Variants in UGT1A7 observed in about 807,000 individuals in gnomAD.
UGT1A7 encodes UDP glucuronosyltransferase family 1 member A7.
A neutral mutation model predicts 45.6 loss-of-function variants in UGT1A7; 33 were observed. The ratio of observed to expected loss-of-function variants is 0.72; its 90% CI spans 0.55 to 0.97. The LOEUF (loss-of-function observed/expected upper bound fraction) is 0.97, where lower values mean the gene tolerates loss of function less well. Among genes scored for constraint, UGT1A7 ranks in the 50% least tolerant of loss-of-function variants. The probability of loss-of-function intolerance (pLI) is 0.00; values close to 1 mark genes in which losing one functional copy is unlikely to be tolerated. For missense variants in UGT1A7, 684 were observed against 666.2 expected (o/e 1.03, Z -0.29); for synonymous variants, 274 against 250.6 (o/e 1.09, Z -0.88).
chr2:233,754,059 A>G (rs973727066), intron 1 of UGT1A7, among the ~76,000 whole-genome samples: 4 of 152,238 alleles, frequency 2.6e-5, no homozygotes, highest in Admixed American at 1.3e-4. Context: ...ACCTGCTTTT[A>G]TAAAGCCTGG....
At chr2:233,725,976 G>T (rs553044783) in intron 1 of UGT1A7, among the ~76,000 whole-genome samples, 1 of 152,162 alleles carries the variant, frequency 6.6e-6, no homozygotes, top group Non-Finnish European at 1.5e-5. Flanking sequence ...GAGCAGCCTG[G>T]GAAACGTGCT....
rs190427553 is a variant in UGT1A7 at position 233,772,475 on chromosome 2, C to A, written c.1509C>A (p.Thr503=). 148 of 1,614,134 alleles carry A rather than the reference C, an allele frequency of 9.2e-5. No homozygotes were observed. Among genetic ancestry groups the A allele is most frequent in the Non-Finnish European group, 1.2e-4 (140 of 1,180,034 alleles). ...LAVVLTVAFI[T]FKCCAYGYRK... is the part of the protein sequence containing the mutation. ...TCGTGCTGACAGTGGCCTTCATCAC[C>A]TTTAAATGTTGTGCTTATGGCTACC... The change falls in exon 5 of 5, where the codon ACC becomes ACA. Residue 503 remains threonine, a synonymous_variant. Coordinates refer to ENST00000373426, the MANE Select transcript of UGT1A7 (RefSeq NM_019077.3).
chr2:233,682,697 C>G lies in UGT1A7; in HGVS notation c.760C>G (p.Arg254Gly), dbSNP rs201879946. ...CAGCCACACATCAATTTGGTTGTTG[C>G]GAACTGACTTTGTTTTGGAGTATCC... ...LYSHTSIWLL[R>G]TDFVLEYPKP... Residue 254 changes from arginine to glycine, a missense_variant, in exon 1 of 5, where the codon CGA (arginine) becomes GGA (glycine). Transcript: ENST00000373426. 3 of 1,613,832 alleles carry G rather than the reference C, an allele frequency of 1.9e-6. No homozygotes were observed. In the South Asian group the frequency reaches 3.3e-5, roughly 18 times the overall value.
intron 1 of UGT1A7, chr2:233,718,760 G>A (rs1384235813): frequency 3.7e-6 from 6 of 1,612,482 alleles, no homozygotes; most frequent in African/African-American, 1.3e-5. Flanking sequence ...TAAGGCGAAG[G>A]AAACAAATGT....
At chr2:233,740,327 T>C (rs1299928906) in intron 1 of UGT1A7, among the ~76,000 whole-genome samples, 2 of 151,910 alleles carry the variant, frequency 1.3e-5, no homozygotes, top group Non-Finnish European at 2.9e-5. Context: ...TCTGCATTTA[T>C]TGAGAAAGTT....
At chr2:233,770,661 TAAAAA>T (rs112650156) in intron 4 of UGT1A7, 1 of 137,296 alleles carries the variant, frequency 7.3e-6, no homozygotes, top group Non-Finnish European at 1.6e-5. Flanking sequence ...CCGTCTTACT[TAAAAA>T]AAAAAAAAAG....
rs994477735 is a variant in UGT1A7, at chr2:233,769,472, T to C, written c.1295+1033T>C. Reference sequence around the variant, plus strand: ...ACGTGTGCATTCATATGCGTGTGTGTGTGTGTGCGTGTGTTTATGAGAGTG... The same window carrying C: ...ACGTGTGCATTCATATGCGTGTGTGCGTGTGTGCGTGTGTTTATGAGAGTG... On this transcript the variant is annotated intron_variant, in intron 4 of 4. Transcript: ENST00000373426. The surrounding 1 kb of genome is among the most constrained non-coding windows in gnomAD (Gnocchi z 4.4). 4.2e-5 allele frequency: 68 copies of C among 1,609,292 alleles called. No homozygotes were observed. In the African/African-American group the frequency reaches 8.3e-4, roughly 20 times the overall value.
chr2:233,691,085 A>G, intron 1 of UGT1A7: 1 of 986,138 alleles, frequency 1.0e-6, no homozygotes, highest in Non-Finnish European at 1.2e-6. Context: ...AGTTTGTAGC[A>G]TCTCTTGATC....
At position 233,747,809 on chromosome 2, in the gene UGT1A7, G is replaced by T. The variant is rs955692001; in HGVS notation, c.856-19225G>T. 2.4e-5 allele frequency: 38 copies of T among 1,613,216 alleles called. No homozygotes were observed. In the Admixed American group the frequency reaches 6.2e-4, roughly 26 times the overall value. ...CCTCCTATATTCCTAAGTTACTAAC[G>T]ACCAATTCAGACCACATGACATTCC... On this transcript the variant is annotated intron_variant, in intron 1 of 4. Coordinates refer to ENST00000373426, the MANE Select transcript of UGT1A7 (RefSeq NM_019077.3).
chr2:233,744,032 T>C, intron 1 of UGT1A7: 1 of 835,228 alleles, frequency 1.2e-6, no homozygotes, highest in African/African-American at 1.8e-5. Context: ...ACGCCCCTTA[T>C]GACGCAGCCA....
At position 233,693,761 on chromosome 2, in the gene UGT1A7, T is replaced by C; in HGVS notation, c.855+10969T>C. 1.2e-6 allele frequency: 2 copies of C among 1,614,250 alleles called. No homozygotes were observed. The highest frequency in any genetic ancestry group is 1.7e-6 in the Non-Finnish European group (2 of 1,180,042). On this transcript the variant is annotated intron_variant, in intron 1 of 4. Transcript: ENST00000373426. Reference sequence around the variant, plus strand: ...CACCTTATATCAGAAGGTCTCTGTTTGGCTGTTAAGATATGACTTTGTGCT... The same window carrying C: ...CACCTTATATCAGAAGGTCTCTGTTCGGCTGTTAAGATATGACTTTGTGCT...
intron 1 of UGT1A7, among the ~76,000 whole-genome samples, chr2:233,695,235 C>T (rs1369922009): frequency 1.3e-5 from 2 of 151,340 alleles, no homozygotes; most frequent in African/African-American, 4.9e-5. Context: ...AAGCGATTCT[C>T]CTGCCTCAGC....
chr2:233,744,126 G>T (rs1692701514), intron 1 of UGT1A7: 3 of 357,170 alleles, frequency 8.4e-6, no homozygotes, highest in Admixed American at 7.7e-5. Context: ...GTGAGGCTCT[G>T]TGAGGCCCTG....
Position 233,681,973 on chromosome 2 carries a change from A to C in UGT1A7, c.36A>C (p.Leu12=), listed in dbSNP as rs768736320. 1.2e-6 allele frequency: 2 copies of C among 1,614,064 alleles called. No homozygotes were observed. The highest frequency in any genetic ancestry group is 1.7e-6 in the Non-Finnish European group (2 of 1,179,976). ...CAGGGTGGACTGGCCTCCTTCCCCT[A>C]TATGTGTGTCTACTGCTGACCTGTG... ...ARAGWTGLLP[L]YVCLLLTCGF... is the part of the protein sequence containing the mutation. The change falls in exon 1 of 5, where the codon CTA becomes CTC. Residue 12 remains leucine, a synonymous_variant. Transcript: ENST00000373426.
intron 1 of UGT1A7, among the ~76,000 whole-genome samples, chr2:233,727,472 C>T (rs1025234112): frequency 7.2e-5 from 11 of 152,134 alleles, no homozygotes; most frequent in African/African-American, 2.4e-4. Flanking sequence ...CTAAATAAAA[C>T]ACTACTACTT....
chr2:233,746,979 C>T (rs908945089), intron 1 of UGT1A7, among the ~76,000 whole-genome samples: 13 of 151,732 alleles, frequency 8.6e-5, no homozygotes, highest in African/African-American at 1.9e-4. Flanking sequence ...CCAGAGCGAG[C>T]GCAGGGTCAG....
chr2:233,695,755 T>A (rs1036590336), intron 1 of UGT1A7, among the ~76,000 whole-genome samples: 1 of 152,338 alleles, frequency 6.6e-6, no homozygotes, highest in Non-Finnish European at 1.5e-5. Flanking sequence ...CAGGTCTTCA[T>A]CCTTTTTTAT....
At chr2:233,684,762 T>A (rs1173403958) in intron 1 of UGT1A7, among the ~76,000 whole-genome samples, 1 of 152,128 alleles carries the variant, frequency 6.6e-6, no homozygotes, top group African/African-American at 2.4e-5. Flanking sequence ...AGAATTCAGA[T>A]CATAAAGAGT....
chr2:233,683,998 A>G (rs1450435310), intron 1 of UGT1A7, among the ~76,000 whole-genome samples: 1 of 152,222 alleles, frequency 6.6e-6, no homozygotes, highest in Non-Finnish European at 1.5e-5. Context: ...CGTGACAAAT[A>G]CAAGAGTAAG....
Sources: allele counts gnomAD v4.1 joint callset (sites outside exome capture counted in the v4.1 genomes callset), GRCh38; gene constraint gnomAD v4.1.1; non-coding constraint Gnocchi (gnomAD v3.1); transcripts MANE v1.5; gene names NCBI Gene and HGNC (gene_info 2026-07-23, HGNC 2026-07-21).